NRXN3: variants seen among roughly 807,000 people sequenced by gnomAD.
NRXN3 encodes neurexin III.
Under a neutral mutation model 137.6 loss-of-function variants are expected in NRXN3, and 32 were observed. The observed-to-expected ratio is 0.23, with a 90% confidence interval of 0.18 to 0.31. NRXN3 has a LOEUF of 0.31. Ranked by LOEUF, NRXN3 falls within the 10% of genes least tolerant of loss-of-function variation. NRXN3 has a pLI of 1.00. For missense variants in NRXN3, 1,574 were observed against 2,062.5 expected (o/e 0.76, Z 4.59); for synonymous variants, 798 against 784.5 (o/e 1.02, Z -0.29).
intron 1 of NRXN3, among the ~76,000 whole-genome samples, chr14:78,239,516 C>A (rs2066799144): frequency 6.6e-6 from 1 of 152,194 alleles, no homozygotes; most frequent in Admixed American, 6.5e-5. Flanking sequence ...GTCCTACCCT[C>A]CTGTTATCCA....
intron 16 of NRXN3, among the ~76,000 whole-genome samples, chr14:79,506,695 G>C (rs1292869003): frequency 6.6e-6 from 1 of 151,662 alleles, no homozygotes; most frequent in Non-Finnish European, 1.5e-5. Flanking sequence ...CTTTCTGTTT[G>C]ACATTTTCCC....
chr14:79,757,557 A>G (rs2099023965), intron 19 of NRXN3, among the ~76,000 whole-genome samples: 1 of 152,198 alleles, frequency 6.6e-6, no homozygotes, highest in African/African-American at 2.4e-5. Context: ...AATCCAAAGC[A>G]TATGTGTATG....
At chr14:78,719,910 C>T (rs1180794231) in intron 8 of NRXN3, among the ~76,000 whole-genome samples, 1 of 152,026 alleles carries the variant, frequency 6.6e-6, no homozygotes, top group African/African-American at 2.4e-5. Context: ...GCACCTCATT[C>T]CTGTTTTGGT....
In NRXN3 at chr14:78,957,414, C is replaced by T. The variant is rs756893720; in HGVS notation, c.2395+53C>T. ...TGTCTTTTCTCTCAGTCCTCTCAGT[C>T]ACTGAGTGAGCAAACAGTGTTTTGC... On this transcript the variant is annotated intron_variant, in intron 11 of 20. Transcript: ENST00000335750. The T allele has an allele frequency of 6.0e-4, 949 of 1,581,296 alleles. 1 individual carries two copies. Among genetic ancestry groups the T allele is most frequent in the Non-Finnish European group, 7.5e-4 (863 of 1,158,280 alleles).
chr14:79,489,312 C>T (rs913035595), intron 16 of NRXN3, among the ~76,000 whole-genome samples: 8 of 152,116 alleles, frequency 5.3e-5, no homozygotes, highest in African/African-American at 1.7e-4. Context: ...CCTACCTGCT[C>T]ATATGATGAA....
intron 6 of NRXN3, among the ~76,000 whole-genome samples, chr14:78,682,374 A>G (rs2098084954): frequency 6.7e-6 from 1 of 150,306 alleles, no homozygotes. Context: ...GCACCTGCAT[A>G]TCTTCCCTGC....
intron 19 of NRXN3, among the ~76,000 whole-genome samples, chr14:79,719,554 G>A (rs2098836901): frequency 6.6e-6 from 1 of 151,820 alleles, no homozygotes; most frequent in South Asian, 2.1e-4. Flanking sequence ...CAAATATCCT[G>A]AATTTTATAC....
intron 16 of NRXN3, among the ~76,000 whole-genome samples, chr14:79,485,613 T>C (rs1043146748): frequency 6.6e-6 from 1 of 152,148 alleles, no homozygotes; most frequent in Non-Finnish European, 1.5e-5. Flanking sequence ...CCTATCTGTG[T>C]AGCTTCTCTG....
intron 15 of NRXN3, among the ~76,000 whole-genome samples, chr14:79,149,745 C>A (rs150296706): frequency 1.2e-3 from 190 of 152,088 alleles, no homozygotes; most frequent in Non-Finnish European, 2.2e-3. Context: ...CCTCAGCAAA[C>A]CAACGCAGGA....
chr14:79,328,566 T>C (rs946567929), intron 15 of NRXN3, among the ~76,000 whole-genome samples: 15 of 152,232 alleles, frequency 9.9e-5, no homozygotes, highest in Non-Finnish European at 2.1e-4. Context: ...CCTTTTTCCA[T>C]GGTTTCTCTC....
At chr14:79,667,632 A>T (rs1721298555) in intron 17 of NRXN3, among the ~76,000 whole-genome samples, 1 of 152,128 alleles carries the variant, frequency 6.6e-6, no homozygotes, top group African/African-American at 2.4e-5. Context: ...TGGGAGGTAG[A>T]ACTGAAAAGC....
At chr14:79,133,165 C>T (rs565243983) in intron 15 of NRXN3, among the ~76,000 whole-genome samples, 3 of 152,320 alleles carry the variant, frequency 2.0e-5, no homozygotes, top group East Asian at 1.9e-4. Context: ...TGAAGATTTC[C>T]CATGAAGATA....
intron 4 of NRXN3, among the ~76,000 whole-genome samples, chr14:78,516,837 G>A (rs1409548112): frequency 6.6e-6 from 1 of 152,158 alleles, no homozygotes; most frequent in Non-Finnish European, 1.5e-5. Flanking sequence ...TAGCAAAAGA[G>A]AAAGTAAATC....
chr14:78,852,257 G>T (rs181336823), intron 10 of NRXN3, among the ~76,000 whole-genome samples: 1 of 152,072 alleles, frequency 6.6e-6, no homozygotes, highest in Admixed American at 6.6e-5. Flanking sequence ...ATACCCTGAC[G>T]AAGCAAGCCT....
chr14:78,292,379 T>C (rs1157438202), intron 3 of NRXN3, among the ~76,000 whole-genome samples: 1 of 152,236 alleles, frequency 6.6e-6, no homozygotes, highest in East Asian at 1.9e-4. Flanking sequence ...GTATGCCTTA[T>C]CTCCTGGTGA....
chr14:78,381,403 GA>G (rs1163517583), intron 4 of NRXN3, among the ~76,000 whole-genome samples: 2 of 152,132 alleles, frequency 1.3e-5, no homozygotes, highest in Non-Finnish European at 1.5e-5. Context: ...TTATTATCTA[GA>G]ATATATAAAG....
intron 4 of NRXN3, among the ~76,000 whole-genome samples, chr14:78,578,439 A>G (rs1246551072): frequency 6.6e-6 from 1 of 152,220 alleles, no homozygotes; most frequent in African/African-American, 2.4e-5. Flanking sequence ...TAGGAGACCA[A>G]TGCATCAACA....
At chr14:78,294,383 C>T (rs538776482) in intron 3 of NRXN3, among the ~76,000 whole-genome samples, 3 of 152,004 alleles carry the variant, frequency 2.0e-5, no homozygotes, top group Non-Finnish European at 2.9e-5. Flanking sequence ...GGCAAAACCC[C>T]GTCTCTGCTG....
In NRXN3 at chr14:78,708,197, A is replaced by G. The variant is rs544667654; in HGVS notation, c.1222-1020A>G. ...ACTGCCATCCTCACGTTCTCCACCT[A>G]CCTACCCACTCTGCAGGACAGTGGC... On this transcript the variant is annotated intron_variant, in intron 6 of 20. Coordinates refer to ENST00000335750, the MANE Select transcript of NRXN3 (RefSeq NM_001330195.2). Among the ~76,000 whole-genome samples, 16 of 152,158 alleles carry G rather than the reference A, an allele frequency of 1.1e-4. No individual in the cohort carries two copies. In the East Asian group the frequency reaches 2.7e-3, roughly 26 times the overall value.
Sources: gnomAD v4.1 joint callset for allele counts (sites outside exome capture counted in the v4.1 genomes callset) on GRCh38, gnomAD v4.1.1 for gene constraint, MANE v1.5 for transcripts, NCBI Gene and HGNC (gene_info 2026-07-23, HGNC 2026-07-21) for gene names.